Variants in IGSF3 observed in about 807,000 individuals in gnomAD.
The protein encoded by IGSF3 is immunoglobulin superfamily member 3, also known as glu-Trp-Ile EWI motif-containing protein 3.
In IGSF3, 23 loss-of-function variants were observed where a neutral mutation model predicts 114.4. That is an observed-to-expected ratio of 0.20 (90% CI 0.14 to 0.28). IGSF3 has a LOEUF of 0.28. Ranked by LOEUF, IGSF3 falls within the 10% of genes least tolerant of loss-of-function variation. IGSF3 has a pLI of 1.00. For synonymous variants in IGSF3, 571 were observed against 645.2 expected, an observed-to-expected ratio of 0.88 and a Z score of 1.74; for missense variants, 1,172 against 1,591.5, an observed-to-expected ratio of 0.74 and a Z score of 4.48.
rs56148691 is a variant in IGSF3 at position 116,656,293 on chromosome 1, C to CTT, written c.43+9989_43+9990dup. Among the ~76,000 whole-genome samples the CTT allele has an allele frequency of 8.3e-4, 52 of 62,466 alleles. 2 individuals are homozygous for CTT. The highest frequency in any genetic ancestry group is 1.7e-3 in the East Asian group (4 of 2,326). 41.0% of individuals were successfully genotyped at this position (62,466 alleles called of 152,430 possible). A position where few individuals can be genotyped will look rare whatever the true frequency, so the allele number is the denominator to read the frequency against. ...ACTTTCACATTTTACTTTCTACATT[C>CTT]TTTTTTTTTTTTTTTTTTTTTTTTT... is the stretch of plus-strand genomic sequence containing the variant. On this transcript the variant is annotated intron_variant, in intron 2 of 10. Transcript: ENST00000369486.
rs1648147843 is a variant in IGSF3 at position 116,642,399 on chromosome 1, G to A, written c.43+23885C>T. Among the ~76,000 whole-genome samples the A allele has an allele frequency of 6.6e-6, 1 of 152,166 alleles. No homozygotes were observed. The highest frequency in any genetic ancestry group is 2.1e-4 in the South Asian group (1 of 4,820). On this transcript the variant is annotated intron_variant, in intron 2 of 10. Transcript: ENST00000369486. This position sits in a 1 kb window ranked among gnomAD's most constrained non-coding sequence, Gnocchi z 5.4. The stretch of plus-strand genomic sequence containing the variant: ...TTAGAATTCTGGATGCCTTCCAGCA[G>A]CTGGAACAGGGCAGACCTGAGGCGG...
In IGSF3 at chr1:116,589,909, C is replaced by T. The variant is rs1021996690; in HGVS notation, c.2030-805G>A. 3.3e-5 allele frequency among the ~76,000 whole-genome samples: 5 copies of T among 152,174 alleles called. No individual in the cohort carries two copies. The highest frequency in any genetic ancestry group is 1.9e-4 in the East Asian group (1 of 5,188). ...AGCCCTCATGGGGTGGACTGCCTAGCGGACATTCTTATCGCTGCACCCCCA... is the reference window on the plus strand; with the variant it reads ...AGCCCTCATGGGGTGGACTGCCTAGTGGACATTCTTATCGCTGCACCCCCA... On this transcript the variant is annotated intron_variant, in intron 7 of 10. Coordinates refer to ENST00000369486, the MANE Select transcript of IGSF3 (RefSeq NM_001007237.3). The surrounding 1 kb of genome is among the most constrained non-coding windows in gnomAD (Gnocchi z 5.7).
At position 116,665,846 on chromosome 1, in the gene IGSF3, C is replaced by CACCAT. The variant is rs1649308954; in HGVS notation, c.43+433_43+437dup. ...ACTCCCATTTCCACCTCAAAAAAGGCACCATCATTATCACCCAAACCAACT... is the reference window on the plus strand; with the variant it reads ...ACTCCCATTTCCACCTCAAAAAAGGCACCATACCATCATTATCACCCAAACCAACT... On this transcript the variant is annotated intron_variant, in intron 2 of 10. Transcript: ENST00000369486. The surrounding 1 kb of genome is among the most constrained non-coding windows in gnomAD (Gnocchi z 4.0). Among the ~76,000 whole-genome samples, 1 of 152,168 alleles carries CACCAT rather than the reference C, an allele frequency of 6.6e-6. No homozygotes were observed. The highest frequency in any genetic ancestry group is 6.5e-5 in the Admixed American group (1 of 15,280).
rs1335171343 is a variant in IGSF3 at position 116,603,960 on chromosome 1, A to G, written c.1288T>C (p.Phe430Leu). The G allele has an allele frequency of 1.9e-6, 3 of 1,613,436 alleles. No individual in the cohort carries two copies. Among genetic ancestry groups the G allele is most frequent in the Admixed American group, 3.3e-5 (2 of 60,012 alleles). ...SVILEGEDLR[F>L]SCSVRTAGRP... ...CCTGCCGTGCGGACACTGCAGGAGA[A>G]GCGCAGGTCCTCGCCCTCAAGGATG... is the stretch of plus-strand genomic sequence containing the variant. The change falls in exon 6 of 11, where the codon TTC becomes CTC. Residue 430 changes from phenylalanine to leucine, a missense_variant. Coordinates refer to ENST00000369486, the MANE Select transcript of IGSF3 (RefSeq NM_001007237.3). The surrounding 1 kb of genome is among the most constrained non-coding windows in gnomAD (Gnocchi z 7.1).
rs1424761171 is a variant in IGSF3, at chr1:116,632,004, T to C, written c.44-15547A>G. Among the ~76,000 whole-genome samples, 6 of 152,028 alleles carry C rather than the reference T, an allele frequency of 3.9e-5. No homozygotes were observed. Among genetic ancestry groups the C allele is most frequent in the Non-Finnish European group, 7.4e-5 (5 of 68,012 alleles). Reference sequence around the variant, plus strand: ...AAATAAGCTCCACTCGCCACAAAGTTCAAGACACAGAAACGGTCACTGAGA... The same window carrying C: ...AAATAAGCTCCACTCGCCACAAAGTCCAAGACACAGAAACGGTCACTGAGA... On this transcript the variant is annotated intron_variant, in intron 2 of 10. Transcript: ENST00000369486. This position sits in a 1 kb window ranked among gnomAD's most constrained non-coding sequence, Gnocchi z 5.1.
At chr1:116,586,561 T>G (rs1245360167) in intron 8 of IGSF3, among the ~76,000 whole-genome samples, 1 of 152,194 alleles carries the variant, frequency 6.6e-6, no homozygotes, top group African/African-American at 2.4e-5. Context: ...TTTACGGTGT[T>G]AAAGTTCACT....
Position 116,662,699 on chromosome 1 carries a change from A to T in IGSF3, c.43+3585T>A, listed in dbSNP as rs1196136106. Among the ~76,000 whole-genome samples the T allele has an allele frequency of 6.6e-6, 1 of 152,184 alleles. No individual in the cohort carries two copies. Among genetic ancestry groups the T allele is most frequent in the Non-Finnish European group, 1.5e-5 (1 of 68,024 alleles). On this transcript the variant is annotated intron_variant, in intron 2 of 10. Transcript: ENST00000369486. The surrounding 1 kb of genome is among the most constrained non-coding windows in gnomAD (Gnocchi z 4.3). ...CCTGCACCCTTGTCAAATGGTCCCCAGGAAAGGGAAGTGCACTACCTCTGG... is the reference window on the plus strand; with the variant it reads ...CCTGCACCCTTGTCAAATGGTCCCCTGGAAAGGGAAGTGCACTACCTCTGG...
intron 2 of IGSF3, among the ~76,000 whole-genome samples, chr1:116,658,373 G>C (rs1648959738): frequency 6.6e-6 from 1 of 152,044 alleles, no homozygotes; most frequent in South Asian, 2.1e-4. Context: ...AGAAGCTCTT[G>C]CTTTGGTACA....
chr1:116,609,278 G>A (rs777408266), intron 4 of IGSF3, among the ~76,000 whole-genome samples: 10 of 151,862 alleles, frequency 6.6e-5, no homozygotes, highest in African/African-American at 1.7e-4. Flanking sequence ...ACAGGGTCTC[G>A]TTCTGTTGCC....
intron 4 of IGSF3, among the ~76,000 whole-genome samples, chr1:116,611,359 G>A (rs903770009): frequency 1.3e-5 from 2 of 152,174 alleles, no homozygotes; most frequent in Non-Finnish European, 2.9e-5. Context: ...CCAGGCCCTC[G>A]CATGCCTTCT....
intron 2 of IGSF3, among the ~76,000 whole-genome samples, chr1:116,641,438 G>A (rs968525292): frequency 1.5e-5 from 2 of 132,694 alleles, no homozygotes; most frequent in Non-Finnish European, 3.1e-5. Context: ...AGAGGTTGCA[G>A]TGAGCCAAGA....
chr1:116,661,325 T>C lies in IGSF3; in HGVS notation c.43+4959A>G, dbSNP rs1013355895. 6.6e-5 allele frequency among the ~76,000 whole-genome samples: 10 copies of C among 152,224 alleles called. No homozygotes were observed. The East Asian group carries it at 9.7e-4, about 15-fold the overall frequency. Reference sequence around the variant, plus strand: ...ATAAAATAACTGAACACCTGCTTACTTTGCATGGCACAAGGCTGAGTTCTG... The same window carrying C: ...ATAAAATAACTGAACACCTGCTTACCTTGCATGGCACAAGGCTGAGTTCTG... On this transcript the variant is annotated intron_variant, in intron 2 of 10. Coordinates refer to ENST00000369486, the MANE Select transcript of IGSF3 (RefSeq NM_001007237.3). This position sits in a 1 kb window ranked among gnomAD's most constrained non-coding sequence, Gnocchi z 4.0.
chr1:116,601,720 C>A (rs189506120), intron 6 of IGSF3, among the ~76,000 whole-genome samples: 1 of 152,280 alleles, frequency 6.6e-6, no homozygotes, highest in Admixed American at 6.5e-5. Flanking sequence ...CATAAGCTAT[C>A]TCTATATACC....
At chr1:116,578,729 G>A (rs1468273006) in intron 10 of IGSF3, among the ~76,000 whole-genome samples, 2 of 152,024 alleles carry the variant, frequency 1.3e-5, no homozygotes, top group African/African-American at 4.8e-5. Flanking sequence ...CATTTTGATG[G>A]CAAGCCAACC....
chr1:116,593,984 T>C lies in IGSF3; in HGVS notation c.2030-4880A>G, dbSNP rs1319219693. On this transcript the variant is annotated intron_variant, in intron 7 of 10. Coordinates refer to ENST00000369486, the MANE Select transcript of IGSF3 (RefSeq NM_001007237.3). The surrounding 1 kb of genome is among the most constrained non-coding windows in gnomAD (Gnocchi z 4.5). ...TTCATATGGGCAAAAATTATGCCTC[T>C]GGGCCTAGAACCTACTTTCGTTTTA... is the stretch of plus-strand genomic sequence containing the variant. Among the ~76,000 whole-genome samples, 1 of 152,270 alleles carries C rather than the reference T, an allele frequency of 6.6e-6. No homozygotes were observed. The highest frequency in any genetic ancestry group is 1.5e-5 in the Non-Finnish European group (1 of 68,052).
chr1:116,595,799 T>G lies in IGSF3; in HGVS notation c.2029+4142A>C, dbSNP rs550900773. Among the ~76,000 whole-genome samples the G allele has an allele frequency of 2.0e-5, 3 of 152,376 alleles. No individual in the cohort carries two copies. The South Asian group carries it at 6.2e-4, about 32-fold the overall frequency. ...AAGGATATGTAATTGGAGGGTGTTT[T>G]GAGCTAAAGAAAATCAGAAGGAAGC... On this transcript the variant is annotated intron_variant, in intron 7 of 10. Transcript: ENST00000369486. The surrounding 1 kb of genome is among the most constrained non-coding windows in gnomAD (Gnocchi z 4.2).
rs1648889917 is a variant in IGSF3, at chr1:116,657,091, T to G, written c.43+9193A>C. Among the ~76,000 whole-genome samples, 1 of 152,192 alleles carries G rather than the reference T, an allele frequency of 6.6e-6. No individual in the cohort carries two copies. The highest frequency in any genetic ancestry group is 1.9e-4 in the East Asian group (1 of 5,194). ...GACTTACTTCAAATCAAATCTTAAG[T>G]GAAAATCAAGATTTCCTTTTGGGGG... On this transcript the variant is annotated intron_variant, in intron 2 of 10. Coordinates refer to ENST00000369486, the MANE Select transcript of IGSF3 (RefSeq NM_001007237.3). This position sits in a 1 kb window ranked among gnomAD's most constrained non-coding sequence, Gnocchi z 4.2.
rs1660870470 is a variant in IGSF3, at chr1:116,608,199, C to T, written c.965G>A (p.Ser322Asn). Residue 322 changes from serine (S) to asparagine (N), a missense_variant, in exon 5 of 11, where the codon AGC becomes AAC. Transcript: ENST00000369486. ...RYFAVSWAFN[S>N]SLIATMGPNA... is the part of the protein sequence containing the mutation. ...AGGACCCATGGTGGCGATGAGCGAG[C>T]TGTTGAAGGCCCAGGAGACAGCAAA... 6.2e-7 allele frequency: 1 copy of T among 1,611,156 alleles called. No individual in the cohort carries two copies. The highest frequency in any genetic ancestry group is 1.3e-5 in the African/African-American group (1 of 74,956).
Position 116,585,396 on chromosome 1 carries a change from C to T in IGSF3, c.2441-344G>A, listed in dbSNP as rs899462899. ...ACATGTCGCTGGCCGGGGCAGGTGG[C>T]TGGGAAGGGCGGGGGAAGGGGATGG... On this transcript the variant is annotated intron_variant, in intron 8 of 10. Transcript: ENST00000369486. The surrounding 1 kb of genome is among the most constrained non-coding windows in gnomAD (Gnocchi z 4.9). 1.3e-5 allele frequency among the ~76,000 whole-genome samples: 2 copies of T among 152,108 alleles called. No individual in the cohort carries two copies. Among genetic ancestry groups the T allele is most frequent in the African/African-American group, 4.8e-5 (2 of 41,388 alleles).
Sources: allele counts gnomAD v4.1 joint callset (sites outside exome capture counted in the v4.1 genomes callset), GRCh38; gene constraint gnomAD v4.1.1; non-coding constraint Gnocchi (gnomAD v3.1); transcripts MANE v1.5; gene names NCBI Gene and HGNC (gene_info 2026-07-23, HGNC 2026-07-21).